Variants in CDYL2 observed in about 807,000 individuals in gnomAD.
CDYL2 encodes chromodomain Y like 2, also known as chromodomain Y-like protein 2.
CDYL2 carries 23 observed loss-of-function variants against 49.4 expected under a neutral mutation model. The observed-to-expected ratio is 0.47, with a 90% CI of 0.34 to 0.66. CDYL2 has a LOEUF of 0.66. Ranked by LOEUF, CDYL2 falls within the 30% of genes least tolerant of loss-of-function variation. CDYL2 has a pLI of 0.01. For missense variants in CDYL2, 678 were observed against 656.4 expected, an observed-to-expected ratio of 1.03 and a Z score of -0.36; for synonymous variants, 360 against 268.8, an observed-to-expected ratio of 1.34 and a Z score of -3.32.
chr16:80,797,639 C>A (rs946426740), intron 1 of CDYL2, among the ~76,000 whole-genome samples: 1 of 152,140 alleles, frequency 6.6e-6, no homozygotes, highest in Admixed American at 6.5e-5. Context: ...CTGCCTAACT[C>A]CAAAGTTTAT....
intron 1 of CDYL2, among the ~76,000 whole-genome samples, chr16:80,777,251 CTA>C (rs964643146): frequency 7.9e-5 from 12 of 152,032 alleles, no homozygotes; most frequent in African/African-American, 2.9e-4. Flanking sequence ...TTTTTTAAAA[CTA>C]TGTGTCGAGT....
At chr16:80,653,311 C>G (rs1032885768) in intron 2 of CDYL2, among the ~76,000 whole-genome samples, 5 of 152,038 alleles carry the variant, frequency 3.3e-5, no homozygotes, top group African/African-American at 9.7e-5. Context: ...ACTAAAAACA[C>G]AAAATTAGCC....
chr16:80,613,544 T>C (rs1437751743), intron 4 of CDYL2, among the ~76,000 whole-genome samples: 1 of 152,112 alleles, frequency 6.6e-6, no homozygotes, highest in Non-Finnish European at 1.5e-5. Context: ...CTGACTAAAA[T>C]TGGGTTCCCT....
rs751609865 is a variant in CDYL2 at position 80,604,548 on chromosome 16, T to A, written c.1363-2A>T. 2 of 1,614,098 alleles carry A rather than the reference T, an allele frequency of 1.2e-6. No homozygotes were observed. Among genetic ancestry groups the A allele is most frequent in the Non-Finnish European group, 8.5e-7 (1 of 1,179,990 alleles). On this transcript the variant is annotated splice_acceptor_variant, in intron 6 of 6. Coordinates refer to ENST00000570137, the MANE Select transcript of CDYL2 (RefSeq NM_152342.4). LOFTEE classifies it high-confidence loss of function. ...GAGGCATTTGGACTCCTCTAACACC[T>A]AGAGGGAAATAGACAGGCCTGATTA...
chr16:80,792,158 A>C (rs1420897331), intron 1 of CDYL2, among the ~76,000 whole-genome samples: 1 of 152,192 alleles, frequency 6.6e-6, no homozygotes, highest in African/African-American at 2.4e-5. Flanking sequence ...TTTGAGTTTA[A>C]AGAGCCCAAG....
chr16:80,768,179 T>C (rs1246051358), intron 1 of CDYL2, among the ~76,000 whole-genome samples: 3 of 152,176 alleles, frequency 2.0e-5, no homozygotes, highest in Non-Finnish European at 4.4e-5. Flanking sequence ...ACAGCCACAC[T>C]GTGGCCAATG....
intron 1 of CDYL2, among the ~76,000 whole-genome samples, chr16:80,788,782 A>G (rs889786844): frequency 6.6e-6 from 1 of 152,230 alleles, no homozygotes; most frequent in African/African-American, 2.4e-5. Context: ...GATACCATAC[A>G]CGTGGAGAAT....
intron 1 of CDYL2, among the ~76,000 whole-genome samples, chr16:80,704,012 C>T (rs951480302): frequency 6.6e-6 from 1 of 152,228 alleles, no homozygotes. Flanking sequence ...CGGAAGTGTG[C>T]ATGTTGCTGG....
At chr16:80,662,483 T>C (rs1202903335) in intron 2 of CDYL2, among the ~76,000 whole-genome samples, 1 of 152,126 alleles carries the variant, frequency 6.6e-6, no homozygotes, top group Non-Finnish European at 1.5e-5. Context: ...TGTACACCCT[T>C]CTTTTACTCT....
intron 1 of CDYL2, among the ~76,000 whole-genome samples, chr16:80,694,687 A>G (rs1910551673): frequency 6.6e-6 from 1 of 152,216 alleles, no homozygotes; most frequent in Non-Finnish European, 1.5e-5. Context: ...AAGACCAAGA[A>G]GCAGTCACAC....
intron 2 of CDYL2, among the ~76,000 whole-genome samples, chr16:80,652,760 GTCCCTCCT>G (rs1567556767): frequency 6.6e-6 from 1 of 152,108 alleles, no homozygotes; most frequent in Non-Finnish European, 1.5e-5. Flanking sequence ...ACCCTCTGGG[GTCCCTCCT>G]CCCAAAAACT....
chr16:80,781,872 A>G (rs1907280183), intron 1 of CDYL2, among the ~76,000 whole-genome samples: 1 of 152,092 alleles, frequency 6.6e-6, no homozygotes, highest in Non-Finnish European at 1.5e-5. Context: ...ACATACTAAT[A>G]CTGCAATATT....
intron 1 of CDYL2, among the ~76,000 whole-genome samples, chr16:80,803,402 A>G (rs2142428472): frequency 6.6e-6 from 1 of 152,054 alleles, no homozygotes; most frequent in South Asian, 2.1e-4. Flanking sequence ...TCAGACTTCC[A>G]CGTTCTCCTC....
At chr16:80,636,510 ATC>A (rs1907832201) in intron 2 of CDYL2, among the ~76,000 whole-genome samples, 1 of 152,238 alleles carries the variant, frequency 6.6e-6, no homozygotes, top group Non-Finnish European at 1.5e-5. Context: ...ATGAGATGCC[ATC>A]TCACGCCAGT....
At chr16:80,646,984 C>T (rs1449505082) in intron 2 of CDYL2, among the ~76,000 whole-genome samples, 1 of 151,236 alleles carries the variant, frequency 6.6e-6, no homozygotes, top group Non-Finnish European at 1.5e-5. Context: ...AAATATACTT[C>T]ATCACAAAAA....
intron 1 of CDYL2, among the ~76,000 whole-genome samples, chr16:80,738,309 T>C (rs1905611916): frequency 6.6e-6 from 1 of 152,212 alleles, no homozygotes; most frequent in African/African-American, 2.4e-5. Flanking sequence ...CTATTTTGAA[T>C]AGTGCTGCAA....
At chr16:80,637,475 G>T (rs988907959) in intron 2 of CDYL2, among the ~76,000 whole-genome samples, 1 of 152,090 alleles carries the variant, frequency 6.6e-6, no homozygotes, top group South Asian at 2.1e-4. Flanking sequence ...TTTGTCCACA[G>T]ATGACAAGAC....
At chr16:80,681,331 C>A (rs769103153) in intron 2 of CDYL2, among the ~76,000 whole-genome samples, 6 of 152,096 alleles carry the variant, frequency 3.9e-5, no homozygotes, top group Non-Finnish European at 5.9e-5. Flanking sequence ...ATCCTTTAGT[C>A]CAGATAAGGG....
intron 1 of CDYL2, among the ~76,000 whole-genome samples, chr16:80,713,825 G>C (rs912185408): frequency 2.0e-5 from 3 of 152,032 alleles, no homozygotes; most frequent in African/African-American, 7.2e-5. Flanking sequence ...TGGAACTCAG[G>C]AGCCATGCTG....
Sources: allele counts gnomAD v4.1 joint callset (sites outside exome capture counted in the v4.1 genomes callset), GRCh38; gene constraint gnomAD v4.1.1; transcripts MANE v1.5; gene names NCBI Gene and HGNC (gene_info 2026-07-23, HGNC 2026-07-21).